NEGR1: variants seen among roughly 807,000 people sequenced by gnomAD.
The protein encoded by NEGR1 is neuronal growth regulator 1.
In NEGR1, 10 loss-of-function variants were observed where a neutral mutation model predicts 40.9. The ratio of observed to expected loss-of-function variants is 0.24; its 90% CI spans 0.15 to 0.42. The LOEUF is 0.42. Among genes scored for constraint, NEGR1 ranks in the 10% least tolerant of loss-of-function variants. NEGR1 has a pLI of 1.00. For missense variants in NEGR1, 352 were observed against 438.9 expected, an observed-to-expected ratio of 0.80 and a Z score of 1.77; for synonymous variants, 185 against 166.8, an observed-to-expected ratio of 1.11 and a Z score of -0.84.
At chr1:72,085,087 C>T (rs949910626) in intron 1 of NEGR1, among the ~76,000 whole-genome samples, 5 of 152,188 alleles carry the variant, frequency 3.3e-5, no homozygotes, top group Non-Finnish European at 5.9e-5. Context: ...CCGCTGATTG[C>T]CCAAAGAGGT....
At chr1:72,088,493 T>C (rs1648312150) in intron 1 of NEGR1, among the ~76,000 whole-genome samples, 1 of 152,056 alleles carries the variant, frequency 6.6e-6, no homozygotes, top group Non-Finnish European at 1.5e-5. Flanking sequence ...TTTTATACAA[T>C]AGGAAAGAAA....
chr1:72,177,568 T>C (rs972668088), intron 1 of NEGR1, among the ~76,000 whole-genome samples: 5 of 152,064 alleles, frequency 3.3e-5, no homozygotes, highest in Non-Finnish European at 4.4e-5. Context: ...ACAACATATA[T>C]CAAAGTTCCT....
chr1:71,621,515 TG>T (rs1650607710), intron 4 of NEGR1, among the ~76,000 whole-genome samples: 1 of 151,912 alleles, frequency 6.6e-6, no homozygotes, highest in Non-Finnish European at 1.5e-5. Flanking sequence ...TTGACCTTAA[TG>T]TTTTTTTAAT....
intron 6 of NEGR1, among the ~76,000 whole-genome samples, chr1:71,539,412 C>T (rs569829439): frequency 1.5e-3 from 220 of 151,692 alleles, no homozygotes; most frequent in Middle Eastern, 6.8e-3. Flanking sequence ...GGAAAGCCTA[C>T]GAAGGAAAAC....
At chr1:71,953,371 T>G (rs1486601577) in intron 1 of NEGR1, among the ~76,000 whole-genome samples, 2 of 151,976 alleles carry the variant, frequency 1.3e-5, no homozygotes, top group East Asian at 3.9e-4. Context: ...TGTGCCTGAA[T>G]TGATGCAATC....
rs184851564 is a variant in NEGR1 at position 72,165,289 on chromosome 1, A to T, written c.176+117030T>A. Among the ~76,000 whole-genome samples, 92 of 152,196 alleles carry T rather than the reference A, an allele frequency of 6.0e-4. 1 individual carries two copies. Among genetic ancestry groups the T allele is most frequent in the African/African-American group, 2.2e-3 (90 of 41,586 alleles). On this transcript the variant is annotated intron_variant, in intron 1 of 6. Transcript: ENST00000357731. ...TGAACCATATTTTGATATACAGAAG[A>T]TACACTGTTTAGTAAGAAGCAAAAT...
intron 1 of NEGR1, among the ~76,000 whole-genome samples, chr1:72,172,130 T>C (rs1041712003): frequency 2.0e-5 from 3 of 152,170 alleles, no homozygotes; most frequent in African/African-American, 4.8e-5. Context: ...TGTAAAATTA[T>C]AGAATATTAA....
At chr1:71,753,268 C>G (rs375000319) in intron 3 of NEGR1, among the ~76,000 whole-genome samples, 1 of 152,128 alleles carries the variant, frequency 6.6e-6, no homozygotes, top group Non-Finnish European at 1.5e-5. Context: ...GAGCTCAAAT[C>G]ATTATGTAAA....
chr1:71,467,281 G>C (rs1646753160), intron 6 of NEGR1, among the ~76,000 whole-genome samples: 1 of 152,116 alleles, frequency 6.6e-6, no homozygotes, highest in Non-Finnish European at 1.5e-5. Context: ...TGAGAGAAAT[G>C]TGCCTGAAGT....
In NEGR1 at chr1:71,719,427, T is replaced by A. The variant is rs973897005; in HGVS notation, c.536-21288A>T. ...TGTCCAGAATGTAATCATTAATGCA[T>A]CTGCTTTTTGCCACTCCCCTGTATA... On this transcript the variant is annotated intron_variant, in intron 3 of 6. Transcript: ENST00000357731. Among the ~76,000 whole-genome samples, 14 of 152,152 alleles carry A rather than the reference T, an allele frequency of 9.2e-5. 1 individual carries two copies. Among genetic ancestry groups the A allele is most frequent in the Admixed American group, 9.2e-4 (14 of 15,276 alleles).
chr1:71,547,929 G>A (rs192830404), intron 6 of NEGR1, among the ~76,000 whole-genome samples: 150 of 151,814 alleles, frequency 9.9e-4, no homozygotes, highest in African/African-American at 3.1e-3. Flanking sequence ...TGCCCACCAC[G>A]TCTGATCAGT....
intron 4 of NEGR1, among the ~76,000 whole-genome samples, chr1:71,689,822 T>C (rs1022739738): frequency 1.3e-5 from 2 of 150,962 alleles, no homozygotes; most frequent in Non-Finnish European, 3.0e-5. Context: ...ATAATAAATA[T>C]AATTAAATAA....
intron 2 of NEGR1, among the ~76,000 whole-genome samples, chr1:71,894,045 G>C (rs1660888362): frequency 9.5e-6 from 1 of 104,972 alleles, no homozygotes; most frequent in East Asian, 3.4e-4. Flanking sequence ...ACACAGGAAG[G>C]GGAATATCAC....
At chr1:71,594,184 T>G (rs2101523112) in intron 5 of NEGR1, among the ~76,000 whole-genome samples, 1 of 152,322 alleles carries the variant, frequency 6.6e-6, no homozygotes, top group African/African-American at 2.4e-5. Context: ...AATGAGTATG[T>G]CAACTTGATA....
intron 6 of NEGR1, among the ~76,000 whole-genome samples, chr1:71,509,101 T>C (rs1425170533): frequency 6.6e-6 from 1 of 152,204 alleles, no homozygotes. Context: ...GGGATGTGAA[T>C]GCCTGGGTCG....
chr1:71,877,354 T>A (rs1162227146), intron 2 of NEGR1, among the ~76,000 whole-genome samples: 5 of 152,126 alleles, frequency 3.3e-5, no homozygotes, highest in Non-Finnish European at 7.4e-5. Context: ...AAATTTATTT[T>A]TTTCATAGTT....
chr1:71,558,400 T>A (rs1374727781), intron 6 of NEGR1, among the ~76,000 whole-genome samples: 1 of 151,616 alleles, frequency 6.6e-6, no homozygotes, highest in Non-Finnish European at 1.5e-5. Context: ...TCATTATACG[T>A]CAGCAAATGT....
At chr1:72,052,227 C>A (rs1305569864) in intron 1 of NEGR1, among the ~76,000 whole-genome samples, 1 of 151,400 alleles carries the variant, frequency 6.6e-6, no homozygotes, top group Non-Finnish European at 1.5e-5. Flanking sequence ...GTGACAAAGC[C>A]TTGTCAAATT....
intron 1 of NEGR1, among the ~76,000 whole-genome samples, chr1:72,075,435 A>G (rs1647683668): frequency 6.6e-6 from 1 of 152,214 alleles, no homozygotes; most frequent in Non-Finnish European, 1.5e-5. Flanking sequence ...GTAGATATTA[A>G]GACTATATAC....
Sources: allele counts gnomAD v4.1 joint callset (sites outside exome capture counted in the v4.1 genomes callset), GRCh38; gene constraint gnomAD v4.1.1; transcripts MANE v1.5; gene names NCBI Gene and HGNC (gene_info 2026-07-23, HGNC 2026-07-21).